XPNPEP3: variants seen among roughly 807,000 people sequenced by gnomAD.
XPNPEP3 encodes the protein X-prolyl aminopeptidase 3, also known as xaa-Pro aminopeptidase 3.
XPNPEP3 carries 41 observed loss-of-function variants against 60.0 expected under a neutral mutation model. The observed-to-expected ratio is 0.68, with a 90% confidence interval of 0.53 to 0.89. The LOEUF (loss-of-function observed/expected upper bound fraction) is 0.89, where lower values mean the gene tolerates loss of function less well. Ranked by LOEUF, XPNPEP3 falls within the 40% of genes least tolerant of loss-of-function variation. The pLI, the probability that XPNPEP3 is intolerant of heterozygous loss-of-function variation, is 0.00. For missense variants in XPNPEP3, 598 were observed against 638.9 expected (o/e 0.94, Z 0.69); for synonymous variants, 212 against 223.2 (o/e 0.95, Z 0.45).
chr22:40,926,168 A>T, intron 9 of XPNPEP3, 101 bp from the exon 10 acceptor site: 2 of 1,222,140 alleles, frequency 1.6e-6, no homozygotes, highest in Non-Finnish European at 2.4e-6. Context: ...AAGATCCAGT[A>T]TTACAGAGGA....
intron 6 of XPNPEP3, among the ~76,000 whole-genome samples, chr22:40,909,772 CTAAA>C (rs199688446): frequency 0.018 from 2,651 of 151,434 alleles, 80 homozygotes; most frequent in African/African-American, 0.059. Flanking sequence ...GACTCTGTCT[CTAAA>C]TAAATAAATA....
Position 40,857,199 on chromosome 22 carries a change from A to G in XPNPEP3, c.18A>G (p.Ser6=), listed in dbSNP as rs1335744952. Residue 6 remains serine, a synonymous_variant, in exon 1 of 10, where the codon TCA becomes TCG. Coordinates refer to ENST00000357137, the MANE Select transcript of XPNPEP3 (RefSeq NM_022098.4). The part of the protein sequence containing the change: MPWLL[S]APKLVPAVAN... ...AGGCCGTAATGCCTTGGCTGCTCTC[A>G]GCCCCCAAGCTGGTTCCCGCTGTAG... The G allele has an allele frequency of 1.1e-5, 18 of 1,614,162 alleles. No homozygotes were observed. In the East Asian group the frequency reaches 4.0e-4, roughly 36 times the overall value.
chr22:40,890,739 C>T (rs758355238), intron 4 of XPNPEP3, among the ~76,000 whole-genome samples: 4 of 151,862 alleles, frequency 2.6e-5, no homozygotes, highest in Non-Finnish European at 5.9e-5. Context: ...TGGTGGTACG[C>T]ACCTGTAGTC....
At chr22:40,925,742 C>T (rs1569034240) in intron 9 of XPNPEP3, among the ~76,000 whole-genome samples, 1 of 152,174 alleles carries the variant, frequency 6.6e-6, no homozygotes, top group Non-Finnish European at 1.5e-5. Context: ...TTACACACAT[C>T]AGATATATTT....
chr22:40,917,268 T>A (rs1014942597), intron 7 of XPNPEP3: 1 of 152,108 alleles, frequency 6.6e-6, no homozygotes, highest in Non-Finnish European at 1.5e-5. Flanking sequence ...AGGGCTGAAC[T>A]GGCCCAGGTC....
chr22:40,884,624 G>A (rs766853424), intron 3 of XPNPEP3, among the ~76,000 whole-genome samples: 7 of 151,492 alleles, frequency 4.6e-5, no homozygotes, highest in South Asian at 2.1e-4. Flanking sequence ...GTGAGCCACC[G>A]TGCCTGGCTA....
At chr22:40,912,862 C>G (rs1423662947) in intron 6 of XPNPEP3, among the ~76,000 whole-genome samples, 1 of 152,016 alleles carries the variant, frequency 6.6e-6, no homozygotes, top group Non-Finnish European at 1.5e-5. Flanking sequence ...TAGAGCAAGA[C>G]TCCATCTCAA....
At chr22:40,907,432 A>C (rs1601514642) in intron 4 of XPNPEP3, among the ~76,000 whole-genome samples, 155 bp from the exon 5 acceptor site, 1 of 151,918 alleles carries the variant, frequency 6.6e-6, no homozygotes, top group Non-Finnish European at 1.5e-5. Context: ...AAAAAAAAAC[A>C]AAAAAAACTG....
intron 2 of XPNPEP3, among the ~76,000 whole-genome samples, chr22:40,878,539 A>G (rs935806904): frequency 6.6e-6 from 1 of 152,060 alleles, no homozygotes; most frequent in Non-Finnish European, 1.5e-5. Flanking sequence ...TATTAAAATT[A>G]TGGATTTTCT....
chr22:40,874,784 G>C (rs1342807771), intron 2 of XPNPEP3, among the ~76,000 whole-genome samples: 1 of 152,080 alleles, frequency 6.6e-6, no homozygotes, highest in East Asian at 1.9e-4. Flanking sequence ...TAACCTAGTG[G>C]GTACTCATTT....
intron 2 of XPNPEP3, among the ~76,000 whole-genome samples, chr22:40,879,065 T>G (rs915732573): frequency 5.9e-5 from 9 of 152,210 alleles, no homozygotes; most frequent in African/African-American, 2.2e-4. Flanking sequence ...ATTTTCAATG[T>G]TGAGTAACAG....
At chr22:40,861,070 A>T (rs2057941657) in intron 1 of XPNPEP3, 22 of 1,580,622 alleles carry the variant, frequency 1.4e-5, no homozygotes, top group Non-Finnish European at 1.9e-5. Context: ...TCAATTTAAC[A>T]ATTCCTTTTG....
intron 4 of XPNPEP3, among the ~76,000 whole-genome samples, chr22:40,904,757 G>T (rs1464067683): frequency 6.6e-6 from 1 of 151,998 alleles, no homozygotes; most frequent in Admixed American, 6.6e-5. Context: ...TCCTTTAATT[G>T]ATTTTTTAAT....
At chr22:40,909,772 CTAAATAAATAAA>C (rs199688446) in intron 6 of XPNPEP3, among the ~76,000 whole-genome samples, 3 of 151,338 alleles carry the variant, frequency 2.0e-5, no homozygotes, top group Non-Finnish European at 2.9e-5. Context: ...GACTCTGTCT[CTAAATAAATAAA>C]TAAATAAATA....
At chr22:40,865,313 G>A (rs974265794) in intron 1 of XPNPEP3, among the ~76,000 whole-genome samples, 2 of 146,174 alleles carry the variant, frequency 1.4e-5, no homozygotes, top group African/African-American at 5.1e-5. Context: ...GCCACACTGT[G>A]AGCCCTCCTC....
At chr22:40,920,971 T>C (rs2058214335) in intron 7 of XPNPEP3, among the ~76,000 whole-genome samples, 1 of 152,166 alleles carries the variant, frequency 6.6e-6, no homozygotes, top group African/African-American at 2.4e-5. Context: ...TTTGTATTTT[T>C]AGTAGAGATG....
chr22:40,892,040 G>C (rs150416806), intron 4 of XPNPEP3, among the ~76,000 whole-genome samples: 2 of 152,176 alleles, frequency 1.3e-5, no homozygotes, highest in Non-Finnish European at 2.9e-5. Flanking sequence ...GGTTGCTTTG[G>C]GCATGCTGTC....
At chr22:40,861,522 G>A (rs372497588) in intron 1 of XPNPEP3, 5 of 1,613,698 alleles carry the variant, frequency 3.1e-6, no homozygotes, top group Non-Finnish European at 4.2e-6. Flanking sequence ...ACCCTGTGAT[G>A]TATATCCTGT....
intron 1 of XPNPEP3, chr22:40,862,123 G>A (rs2057953910): frequency 1.4e-6 from 2 of 1,478,558 alleles, no homozygotes; most frequent in Admixed American, 5.6e-5. Context: ...TAAAGACAAT[G>A]TTATTACCAT....
Sources: gnomAD v4.1 joint callset for allele counts (sites outside exome capture counted in the v4.1 genomes callset) on GRCh38, gnomAD v4.1.1 for gene constraint, MANE v1.5 for transcripts, NCBI Gene and HGNC (gene_info 2026-07-23, HGNC 2026-07-21) for gene names.